TANC2: variants seen among roughly 807,000 people sequenced by gnomAD.
TANC2 encodes the protein tetratricopeptide repeat, ankyrin repeat and coiled-coil containing 2, also known as protein TANC2.
In TANC2, 26 loss-of-function variants were observed where a neutral mutation model predicts 210.5. The ratio of observed to expected loss-of-function variants is 0.12; its 90% CI spans 0.09 to 0.17. The LOEUF is 0.17. TANC2 is among the 10% of genes least tolerant of loss of function. The probability of loss-of-function intolerance (pLI) is 1.00; values close to 1 mark genes in which losing one functional copy is unlikely to be tolerated. For missense variants in TANC2, 2,129 were observed against 2,608.9 expected (o/e 0.82, Z 4.01); for synonymous variants, 931 against 967.1 (o/e 0.96, Z 0.69).
At chr17:63,320,819 T>G (rs1414338846) in intron 11 of TANC2, among the ~76,000 whole-genome samples, 3 of 152,228 alleles carry the variant, frequency 2.0e-5, no homozygotes, top group Non-Finnish European at 2.9e-5. Flanking sequence ...ATTCTTTAAT[T>G]CTGAGTAATG....
At chr17:63,224,878 G>A (rs1041746160) in intron 7 of TANC2, among the ~76,000 whole-genome samples, 1 of 152,142 alleles carries the variant, frequency 6.6e-6, no homozygotes, top group African/African-American at 2.4e-5. Context: ...CTATGCCCAG[G>A]AAGTTCTAGC....
chr17:63,375,731 A>G (rs894691993), intron 14 of TANC2, among the ~76,000 whole-genome samples: 1 of 152,256 alleles, frequency 6.6e-6, no homozygotes, highest in Non-Finnish European at 1.5e-5. Flanking sequence ...TCTAACTTCC[A>G]TATGGTCTGT....
At chr17:63,018,217 G>A (rs1025752016) in intron 2 of TANC2, among the ~76,000 whole-genome samples, 4 of 152,058 alleles carry the variant, frequency 2.6e-5, no homozygotes, top group African/African-American at 4.8e-5. Context: ...ATAGCCAGGC[G>A]CCGTGGCTCA....
intron 11 of TANC2, among the ~76,000 whole-genome samples, chr17:63,331,677 A>G (rs2045847096): frequency 6.6e-6 from 1 of 152,236 alleles, no homozygotes; most frequent in African/African-American, 2.4e-5. Context: ...AGAGAGGGAA[A>G]AGTCAGTAGC....
intron 13 of TANC2, among the ~76,000 whole-genome samples, chr17:63,353,370 C>A (rs1157881383): frequency 2.0e-5 from 3 of 152,092 alleles, no homozygotes; most frequent in African/African-American, 7.2e-5. Context: ...TCACAGATAT[C>A]TTCTAGAATT....
At chr17:62,986,103 A>G (rs1214736637) in intron 1 of TANC2, among the ~76,000 whole-genome samples, 1 of 152,216 alleles carries the variant, frequency 6.6e-6, no homozygotes, top group African/African-American at 2.4e-5. Context: ...TGTAGTGTCC[A>G]TGTAGTTTCT....
intron 4 of TANC2, among the ~76,000 whole-genome samples, chr17:63,146,501 T>C (rs7211845): frequency 0.099 from 15,049 of 152,186 alleles, 1,071 homozygotes; most frequent in African/African-American, 0.2. Context: ...CAAATCCAAC[T>C]TTGTGAAAAT....
chr17:63,220,717 A>ATATAT (rs1254929643), intron 7 of TANC2, among the ~76,000 whole-genome samples: 3 of 135,922 alleles, frequency 2.2e-5, no homozygotes, highest in African/African-American at 5.6e-5. Context: ...AAAAAAAAAA[A>ATATAT]AAATATATAT....
intron 9 of TANC2, among the ~76,000 whole-genome samples, chr17:63,282,285 AAG>A: frequency 6.6e-6 from 1 of 152,164 alleles, no homozygotes. Flanking sequence ...TCAGGAATGA[AAG>A]AGGAGATATC....
intron 11 of TANC2, among the ~76,000 whole-genome samples, chr17:63,319,752 A>G (rs2045435901): frequency 6.6e-6 from 1 of 152,118 alleles, no homozygotes; most frequent in African/African-American, 2.4e-5. Flanking sequence ...CCTGTCCATA[A>G]TATTTTTTAT....
At chr17:63,128,497 T>C (rs1298311667) in intron 4 of TANC2, among the ~76,000 whole-genome samples, 1 of 152,252 alleles carries the variant, frequency 6.6e-6, no homozygotes, top group African/African-American at 2.4e-5. Flanking sequence ...TTATACATTT[T>C]AGTGCAGTTT....
chr17:63,237,677 A>G lies in TANC2; in HGVS notation c.770-137A>G, dbSNP rs558020116. The G allele has an allele frequency of 2.0e-5, 16 of 802,672 alleles. No individual in the cohort carries two copies. The Admixed American group carries it at 2.4e-4, about 12-fold the overall frequency. The allele number at this position is 802,672 out of a possible 1,614,324, so 49.7% of individuals were successfully genotyped here. A position where few individuals can be genotyped will look rare whatever the true frequency, so the allele number is the denominator to read the frequency against. On this transcript the variant is annotated intron_variant, in intron 7 of 27. Transcript: ENST00000689528. ...GGGGTCCAGTTTCATTCCCCTGCAT[A>G]TGGCAATCCAGTTTTTCTAGCACCA... is the stretch of plus-strand genomic sequence containing the variant.
chr17:63,196,947 A>G (rs1160749860), intron 6 of TANC2, among the ~76,000 whole-genome samples: 1 of 152,216 alleles, frequency 6.6e-6, no homozygotes, highest in Admixed American at 6.5e-5. Context: ...GTCTGCTTTT[A>G]TAATCTATGC....
At chr17:63,379,245 C>G (rs938742328) in intron 14 of TANC2, among the ~76,000 whole-genome samples, 11 of 152,128 alleles carry the variant, frequency 7.2e-5, no homozygotes, top group Non-Finnish European at 1.5e-4. Context: ...TAAGGAACTG[C>G]CTAGGAACCT....
chr17:63,366,767 T>C (rs1210777955), intron 14 of TANC2, among the ~76,000 whole-genome samples: 1 of 152,224 alleles, frequency 6.6e-6, no homozygotes, highest in Non-Finnish European at 1.5e-5. Flanking sequence ...CCATATTGAC[T>C]ATAAAACAGC....
At chr17:63,285,128 C>T (rs1391378808) in intron 9 of TANC2, among the ~76,000 whole-genome samples, 1 of 151,986 alleles carries the variant, frequency 6.6e-6, no homozygotes, top group Non-Finnish European at 1.5e-5. Flanking sequence ...TTTATATTTA[C>T]AGTGAGCTTC....
chr17:63,000,830 T>C (rs2033339072), intron 1 of TANC2, among the ~76,000 whole-genome samples: 1 of 152,144 alleles, frequency 6.6e-6, no homozygotes. Context: ...ATTTCTATAT[T>C]AATATTTTAT....
chr17:63,025,053 CATATT>C (rs2034495712), intron 2 of TANC2, among the ~76,000 whole-genome samples: 1 of 152,116 alleles, frequency 6.6e-6, no homozygotes, highest in South Asian at 2.1e-4. Flanking sequence ...TTCATAGAAA[CATATT>C]AAATATGTCA....
At chr17:63,295,494 C>A (rs1021662204) in intron 9 of TANC2, among the ~76,000 whole-genome samples, 8 of 152,154 alleles carry the variant, frequency 5.3e-5, no homozygotes, top group Non-Finnish European at 8.8e-5. Flanking sequence ...GTAAAGTAAT[C>A]TTGGACCTGA....
Sources: gnomAD v4.1 joint callset for allele counts (sites outside exome capture counted in the v4.1 genomes callset) on GRCh38, gnomAD v4.1.1 for gene constraint, MANE v1.5 for transcripts, NCBI Gene and HGNC (gene_info 2026-07-23, HGNC 2026-07-21) for gene names.